TEKTIP1: variants seen among roughly 807,000 people sequenced by gnomAD.
TEKTIP1 encodes tektin bundle interacting protein 1, also known as tektin bundle-interacting protein 1.
chr19:3,542,340 C>T, the TEKTIP1 span: 3 of 985,414 alleles, frequency 3.0e-6, no homozygotes, highest in Non-Finnish European at 3.6e-6. Flanking sequence ...TGGAACCGGG[C>T]TTTCCGTGCA....
At chr19:3,542,829 A>G in the TEKTIP1 span, 1 of 1,374,764 alleles carries the variant, frequency 7.3e-7, no homozygotes, top group Non-Finnish European at 9.7e-7. Context: ...TGCCAGCCCC[A>G]GACCACTTCT....
chr19:3,543,994 C>T, the TEKTIP1 span: 41 of 1,543,102 alleles, frequency 2.7e-5, no homozygotes, highest in Admixed American at 4.0e-5. Flanking sequence ...CCTTCCCTCA[C>T]ACCCACTCCC....
the TEKTIP1 span, chr19:3,543,192 G>C: frequency 3.3e-6 from 5 of 1,529,458 alleles, no homozygotes; most frequent in Non-Finnish European, 4.4e-6. Flanking sequence ...CAAAGCACTC[G>C]CTGTAGACAT....
the TEKTIP1 span, chr19:3,541,519 C>CGCT: frequency 3.9e-6 from 1 of 254,134 alleles, no homozygotes; most frequent in Non-Finnish European, 6.2e-6. Flanking sequence ...GACAGTGTTT[C>CGCT]ACCATGTTGG....
chr19:3,541,630 A>AT, the TEKTIP1 span: 3 of 984,418 alleles, frequency 3.0e-6, no homozygotes, highest in Non-Finnish European at 3.6e-6. Flanking sequence ...GCAAGACCCT[A>AT]TTTCTATTTT....
the TEKTIP1 span, chr19:3,542,511 T>TC: frequency 1.0e-6 from 1 of 970,298 alleles, no homozygotes; most frequent in Non-Finnish European, 1.2e-6. Context: ...TCTCACTCTG[T>TC]TGCCCAGGCT....
the TEKTIP1 span, chr19:3,543,306 C>G: frequency 1.3e-6 from 2 of 1,549,008 alleles, no homozygotes; most frequent in South Asian, 1.2e-5. Context: ...TGGAAGTACA[C>G]GCCCATGGGA....
the TEKTIP1 span, chr19:3,542,889 G>A: frequency 2.1e-6 from 3 of 1,406,860 alleles, no homozygotes; most frequent in Non-Finnish European, 2.9e-6. Context: ...AGGGACTTGT[G>A]GGTCTTGGAG....
At chr19:3,543,481 C>T in the TEKTIP1 span, 3 of 404,690 alleles carry the variant, frequency 7.4e-6, no homozygotes, top group Non-Finnish European at 9.8e-6. Context: ...CGGGTGAGTG[C>T]CCCCCCCCCC....
At chr19:3,543,812 C>G in the TEKTIP1 span, 1 of 1,508,234 alleles carries the variant, frequency 6.6e-7, no homozygotes. Flanking sequence ...ACATGGTGAC[C>G]CGAGTCCCAC....
At chr19:3,543,397 C>T in the TEKTIP1 span, 2 of 1,549,002 alleles carry the variant, frequency 1.3e-6, no homozygotes, top group Non-Finnish European at 1.7e-6. Context: ...TGCCACGGGC[C>T]CCGGCCAGCC....
At chr19:3,539,395 C>T in the TEKTIP1 span, 6 of 620,510 alleles carry the variant, frequency 9.7e-6, no homozygotes, top group South Asian at 5.6e-5. Context: ...TGTGTGACGT[C>T]CCCTCCAGCT....
the TEKTIP1 span, chr19:3,543,641 G>A: frequency 5.2e-5 from 80 of 1,543,952 alleles, no homozygotes; most frequent in Admixed American, 1.8e-4. Context: ...GTGGGGGAGC[G>A]CGCTGTGGAA....
At chr19:3,541,854 G>A in the TEKTIP1 span, 1 of 948,352 alleles carries the variant, frequency 1.1e-6, no homozygotes, top group Non-Finnish European at 1.3e-6. Flanking sequence ...TCTCACCCAG[G>A]CTGGAGTGCA....
the TEKTIP1 span, chr19:3,543,293 CGCTG>C: frequency 6.5e-7 from 1 of 1,548,658 alleles, no homozygotes; most frequent in African/African-American, 1.4e-5. Flanking sequence ...GCAGGCCACA[CGCTG>C]GAAGTACACG....
the TEKTIP1 span, chr19:3,543,193 C>G: frequency 6.5e-7 from 1 of 1,530,462 alleles, no homozygotes; most frequent in Non-Finnish European, 8.8e-7. Flanking sequence ...AAAGCACTCG[C>G]TGTAGACATG....
chr19:3,542,480 C>T, the TEKTIP1 span: 2 of 984,422 alleles, frequency 2.0e-6, no homozygotes, highest in Non-Finnish European at 2.4e-6. Flanking sequence ...AGTCTCTTGT[C>T]TTTTTGTTTT....
chr19:3,540,789 G>A, the TEKTIP1 span, among the ~76,000 whole-genome samples: 3 of 148,864 alleles, frequency 2.0e-5, no homozygotes, highest in Admixed American at 2.0e-4. Flanking sequence ...TGAGGCAGGA[G>A]AATCACTTGA....
the TEKTIP1 span, chr19:3,539,761 C>T: frequency 2.5e-3 from 391 of 158,322 alleles, 4 homozygotes; most frequent in African/African-American, 8.6e-3. Flanking sequence ...ACGGGGTGAC[C>T]TCATCTTAGC....
Sources: allele counts gnomAD v4.1 joint callset (sites outside exome capture counted in the v4.1 genomes callset), GRCh38; gene constraint gnomAD v4.1.1; transcripts MANE v1.5; gene names NCBI Gene and HGNC (gene_info 2026-07-23, HGNC 2026-07-21).